TTLL11: variants seen among roughly 807,000 people sequenced by gnomAD.
TTLL11 encodes the protein tubulin tyrosine ligase like 11, also known as tubulin polyglutamylase TTLL11.
In TTLL11, 42 loss-of-function variants were observed where a neutral mutation model predicts 51.7. That is an observed-to-expected ratio of 0.81 (90% CI 0.64 to 1.05). TTLL11 has a LOEUF of 1.05. Ranked by LOEUF, TTLL11 falls within the 50% of genes least tolerant of loss-of-function variation. The probability of loss-of-function intolerance (pLI) is 0.00; values close to 1 mark genes in which losing one functional copy is unlikely to be tolerated. For missense variants in TTLL11, 799 were observed against 940.4 expected, an observed-to-expected ratio of 0.85 and a Z score of 1.97; for synonymous variants, 381 against 383.5, an observed-to-expected ratio of 0.99 and a Z score of 0.08.
intron 6 of TTLL11, among the ~76,000 whole-genome samples, chr9:121,925,379 C>T (rs1840690484): frequency 1.3e-5 from 2 of 152,218 alleles, no homozygotes; most frequent in South Asian, 4.1e-4. Flanking sequence ...TGGGCGAGGC[C>T]TCCCGCTGCC....
chr9:122,040,385 G>C lies in TTLL11; in HGVS notation c.463-1017C>G, dbSNP rs532292020. The C allele has an allele frequency of 4.2e-5, 41 of 984,214 alleles. 2 individuals are homozygous for C. In the South Asian group the frequency reaches 1.3e-3, roughly 32 times the overall value. 61.0% of individuals were successfully genotyped at this position (984,214 alleles called of 1,614,324 possible). ...AGAAAATTTCTCACCGAGACAAAAG[G>C]GCCTGTTCTTTCCACTACATCCTGT... is the stretch of plus-strand genomic sequence containing the variant. On this transcript the variant is annotated intron_variant, in intron 1 of 8. Transcript: ENST00000321582.
At chr9:122,043,373 A>C (rs1844900999) in intron 1 of TTLL11, among the ~76,000 whole-genome samples, 1 of 152,232 alleles carries the variant, frequency 6.6e-6, no homozygotes, top group African/African-American at 2.4e-5. Context: ...AAGGATGACA[A>C]GACTATTCAA....
chr9:121,904,173 TAC>T (rs1413285776), intron 6 of TTLL11, among the ~76,000 whole-genome samples: 1 of 151,842 alleles, frequency 6.6e-6, no homozygotes, highest in Non-Finnish European at 1.5e-5. Context: ...GTGGCTTTGA[TAC>T]ATTCTTTTTT....
intron 6 of TTLL11, among the ~76,000 whole-genome samples, chr9:121,948,379 C>G (rs1426223966): frequency 6.6e-6 from 1 of 152,138 alleles, no homozygotes; most frequent in African/African-American, 2.4e-5. Flanking sequence ...ACCTCAATAT[C>G]ACAGTGACAG....
intron 6 of TTLL11, among the ~76,000 whole-genome samples, chr9:121,886,252 C>T (rs1422631847): frequency 1.3e-5 from 2 of 152,208 alleles, no homozygotes; most frequent in African/African-American, 4.8e-5. Context: ...GTGGGCTGAA[C>T]ACTGTCCCCC....
chr9:121,956,035 T>C (rs1375436470), intron 6 of TTLL11, among the ~76,000 whole-genome samples: 1 of 152,224 alleles, frequency 6.6e-6, no homozygotes, highest in Non-Finnish European at 1.5e-5. Context: ...TGTTTACTGA[T>C]CATGAATAGT....
intron 7 of TTLL11, among the ~76,000 whole-genome samples, chr9:121,861,320 G>A (rs956638089): frequency 2.6e-5 from 4 of 152,062 alleles, no homozygotes; most frequent in African/African-American, 4.8e-5. Context: ...CAGGTGATCC[G>A]CCCGCCTCGG....
At chr9:122,075,843 G>A (rs142266585) in intron 1 of TTLL11, among the ~76,000 whole-genome samples, 1 of 152,236 alleles carries the variant, frequency 6.6e-6, no homozygotes, top group East Asian at 1.9e-4. Context: ...CTCTATTTCT[G>A]GACTGGGCTT....
At chr9:121,840,003 A>G (rs550737231) in intron 8 of TTLL11, among the ~76,000 whole-genome samples, 6 of 152,344 alleles carry the variant, frequency 3.9e-5, no homozygotes, top group African/African-American at 1.4e-4. Context: ...CACAAATGAG[A>G]GAGAAGAGAA....
intron 3 of TTLL11, among the ~76,000 whole-genome samples, chr9:122,028,451 A>G (rs911139384): frequency 7.2e-5 from 11 of 152,216 alleles, no homozygotes; most frequent in African/African-American, 2.7e-4. Context: ...TGCTAAATTA[A>G]TATCAGACAA....
chr9:121,984,578 C>A (rs766222873), intron 4 of TTLL11, among the ~76,000 whole-genome samples: 37 of 152,178 alleles, frequency 2.4e-4, no homozygotes, highest in Non-Finnish European at 4.3e-4. Flanking sequence ...AATCCAAGCC[C>A]TTGACCACTC....
chr9:122,089,003 C>T (rs535202206), intron 1 of TTLL11, among the ~76,000 whole-genome samples: 5 of 130,598 alleles, frequency 3.8e-5, no homozygotes, highest in South Asian at 2.3e-4. Context: ...GATGACAGAA[C>T]GACACCCTGT....
At chr9:121,942,352 T>G (rs1011729285) in intron 6 of TTLL11, among the ~76,000 whole-genome samples, 2 of 152,206 alleles carry the variant, frequency 1.3e-5, no homozygotes, top group African/African-American at 4.8e-5. Flanking sequence ...TCATCCATTC[T>G]CAAATAGTTT....
chr9:121,834,994 C>T (rs1357966786), intron 8 of TTLL11, among the ~76,000 whole-genome samples: 1 of 152,084 alleles, frequency 6.6e-6, no homozygotes, highest in Non-Finnish European at 1.5e-5. Context: ...TTTCATGAGG[C>T]CAGGAATCTG....
chr9:121,935,072 G>C (rs376633135), intron 6 of TTLL11, among the ~76,000 whole-genome samples: 2 of 151,686 alleles, frequency 1.3e-5, no homozygotes, highest in African/African-American at 4.8e-5. Flanking sequence ...CTTCTGCCTC[G>C]GCCTCCTGAG....
intron 6 of TTLL11, among the ~76,000 whole-genome samples, chr9:121,914,741 T>G (rs985224927): frequency 6.6e-6 from 1 of 152,058 alleles, no homozygotes; most frequent in Non-Finnish European, 1.5e-5. Flanking sequence ...ATGCCCCATT[T>G]CCCCTGCACA....
At chr9:122,008,274 G>A (rs530600330) in intron 3 of TTLL11, among the ~76,000 whole-genome samples, 5 of 152,298 alleles carry the variant, frequency 3.3e-5, no homozygotes, top group Non-Finnish European at 7.3e-5. Flanking sequence ...ATGGGAAACA[G>A]TCGACCAAAT....
intron 2 of TTLL11, among the ~76,000 whole-genome samples, chr9:122,034,645 C>A (rs1844650427): frequency 6.6e-6 from 1 of 152,174 alleles, no homozygotes; most frequent in South Asian, 2.1e-4. Flanking sequence ...CACATGGAAG[C>A]TCCTGGCATC....
At chr9:121,932,566 C>T (rs1444554791) in intron 6 of TTLL11, among the ~76,000 whole-genome samples, 1 of 152,216 alleles carries the variant, frequency 6.6e-6, no homozygotes, top group Non-Finnish European at 1.5e-5. Context: ...AAGCGCCATT[C>T]CCCACCTCCT....
Sources: allele counts gnomAD v4.1 joint callset (sites outside exome capture counted in the v4.1 genomes callset), GRCh38; gene constraint gnomAD v4.1.1; transcripts MANE v1.5; gene names NCBI Gene and HGNC (gene_info 2026-07-23, HGNC 2026-07-21).